Variants in PLK5 observed in about 807,000 individuals in gnomAD.
PLK5 encodes inactive serine/threonine-protein kinase PLK5.
PLK5 carries 28 observed loss-of-function variants against 33.7 expected under a neutral mutation model. That is an observed-to-expected ratio of 0.83 (90% confidence interval 0.62 to 1.14). The LOEUF (loss-of-function observed/expected upper bound fraction) is 1.14. PLK5 is among the 50% of genes most tolerant of loss of function. The pLI, the probability that PLK5 is intolerant of heterozygous loss-of-function variation, is 0.00. For missense variants in PLK5, 492 were observed against 461.5 expected (o/e 1.07, Z -0.61); for synonymous variants, 225 against 202.2 (o/e 1.11, Z -0.96).
intron 11 of PLK5, among the ~76,000 whole-genome samples, chr19:1,530,935 C>CA (rs1426693912): frequency 6.6e-6 from 1 of 151,676 alleles, no homozygotes; most frequent in Non-Finnish European, 1.5e-5. Context: ...CCCATCTCTA[C>CA]AAAAAAATGA....
At chr19:1,526,849 A>G (rs1913755485) in intron 5 of PLK5, 54 bp from the exon 6 acceptor site, 1 of 1,011,530 alleles carries the variant, frequency 9.9e-7, no homozygotes, top group African/African-American at 1.6e-5. Context: ...GCTGGCCCTG[A>G]AGTCTGGCAC....
rs778352123 is a variant in PLK5 at position 1,529,779 on chromosome 19, G to A, written c.523G>A (p.Ala175Thr). The A allele has an allele frequency of 2.0e-4, 310 of 1,535,896 alleles. No individual in the cohort carries two copies. Among genetic ancestry groups the A allele is most frequent in the Non-Finnish European group, 2.4e-4 (279 of 1,146,864 alleles). ...PEGSRRPEVE[A>T]ALRHLQLCLD... ...GGGGAGCCGGCGGCCAGAGGTGGAG[G>A]CGGCCCTCAGACACCTGCAGCTGTG... The change falls in exon 11 of 14, where the codon GCG becomes ACG. Residue 175 changes from alanine to threonine, a missense_variant. By Grantham distance (58) the Ala-to-Thr change is moderately conservative. Coordinates refer to ENST00000454744, the MANE Select transcript of PLK5 (RefSeq NM_001243079.2).
intron 10 of PLK5, 115 bp from the exon 11 acceptor site, chr19:1,529,632 C>T (rs992703232): frequency 2.1e-6 from 3 of 1,408,582 alleles, no homozygotes; most frequent in African/African-American, 1.4e-5. Context: ...GGGAATGCCG[C>T]CTCTGGGTTG....
At chr19:1,529,918 G>C in intron 11 of PLK5, 94 bp downstream of exon 11, 1 of 1,333,350 alleles carries the variant, frequency 7.5e-7, no homozygotes. Flanking sequence ...GGGTATTTCT[G>C]GGGGTGAGGA....
At chr19:1,531,019 A>G (rs903793964) in intron 11 of PLK5, among the ~76,000 whole-genome samples, 2 of 151,434 alleles carry the variant, frequency 1.3e-5, no homozygotes, top group African/African-American at 4.9e-5. Context: ...TTGAGCTCGG[A>G]GGTGGAGGCT....
intron 6 of PLK5, among the ~76,000 whole-genome samples, chr19:1,527,486 C>A (rs899117478): frequency 6.6e-6 from 1 of 151,972 alleles, no homozygotes; most frequent in Non-Finnish European, 1.5e-5. Context: ...CCTGTAGTCC[C>A]AGCTATTCAG....
At position 1,531,878 on chromosome 19, in the gene PLK5, C is replaced by G. The variant is rs778178191; in HGVS notation, c.709C>G (p.Arg237Gly). The G allele has an allele frequency of 4.0e-6, 6 of 1,487,800 alleles. No individual in the cohort carries two copies. The African/African-American group carries it at 5.6e-5, about 14-fold the overall frequency. 92.2% of individuals were successfully genotyped at this position (1,487,800 alleles called of 1,614,324 possible). ...GRHPHGPATP[R>G]REGTLPTPVP... ...GCACCCACATGGCCCTGCGACCCCCCGGAGGGTAAGTTGTGGCCTCCTGTG... is the reference window on the plus strand; with the variant it reads ...GCACCCACATGGCCCTGCGACCCCCGGGAGGGTAAGTTGTGGCCTCCTGTG... Residue 237 changes from arginine to glycine, a missense_variant, in exon 12 of 14, where the codon CGG becomes GGG. Transcript: ENST00000454744.
At chr19:1,527,813 TGG>T in intron 6 of PLK5, 121 bp from the exon 7 acceptor site, 2 of 986,594 alleles carry the variant, frequency 2.0e-6, no homozygotes, top group Non-Finnish European at 3.0e-6. Context: ...AGGCGGATGT[TGG>T]GAGATGAGGA....
At chr19:1,534,153 AG>A (rs146871495) in intron 13 of PLK5, 112 bp downstream of exon 13, 36 of 547,958 alleles carry the variant, frequency 6.6e-5, no homozygotes, top group South Asian at 1.3e-4. Context: ...TTTGCCTCCC[AG>A]GAAAAAAAAA....
At position 1,535,094 on chromosome 19, in the gene PLK5, G is replaced by A. The variant is rs976457776; in HGVS notation, c.855G>A (p.Leu285=). ...QVSFSGVPAQ[L]VLSGEGEGLQ... ...GCTTCAGTGGAGTCCCGGCCCAACT[G>A]GTGCTGAGTGGCGAGGGTGAGGGTT... Residue 285 remains leucine (L), a synonymous_variant, in exon 14 of 14, where the codon CTG becomes CTA. Coordinates refer to ENST00000454744, the MANE Select transcript of PLK5 (RefSeq NM_001243079.2). 6.5e-7 allele frequency: 1 copy of A among 1,533,602 alleles called. No homozygotes were observed. Among genetic ancestry groups the A allele is most frequent in the Non-Finnish European group, 8.7e-7 (1 of 1,145,932 alleles). 95.0% of individuals were successfully genotyped at this position (1,533,602 alleles called of 1,614,324 possible).
chr19:1,533,651 G>A, intron 12 of PLK5: 1 of 558,090 alleles, frequency 1.8e-6, no homozygotes, highest in Non-Finnish European at 3.2e-6. Context: ...TCCAGGGGGT[G>A]TAGGTCAATG....
rs561681693 is a variant in PLK5 at position 1,526,305 on chromosome 19, G to A, written c.-312-181G>A. ...CAGCTGTGCCCGTGGGGAAAGGTTC[G>A]TGCCCCCCCTCAGTGGCCACCTGGG... On this transcript the variant is annotated intron_variant, in intron 3 of 13. Transcript: ENST00000454744. 4.9e-5 allele frequency among the ~76,000 whole-genome samples: 6 copies of A among 122,642 alleles called. No homozygotes were observed. The South Asian group carries it at 1.1e-3, about 23-fold the overall frequency. 80.5% of individuals were successfully genotyped at this position (122,642 alleles called of 152,430 possible).
intron 11 of PLK5, among the ~76,000 whole-genome samples, chr19:1,530,529 C>G (rs1315153583): frequency 5.3e-5 from 8 of 151,364 alleles, no homozygotes; most frequent in African/African-American, 1.7e-4. Context: ...GAACTCCTGA[C>G]CTCCGGTGAT....
intron 3 of PLK5, among the ~76,000 whole-genome samples, chr19:1,526,233 G>A (rs1259966323): frequency 2.0e-5 from 3 of 151,992 alleles, no homozygotes; most frequent in African/African-American, 4.8e-5. Flanking sequence ...GTCCACCAGC[G>A]CCGTGTTCAC....
At chr19:1,531,654 G>A in intron 11 of PLK5, 84 bp from the exon 12 acceptor site, 1 of 1,462,332 alleles carries the variant, frequency 6.8e-7, no homozygotes. Flanking sequence ...TCTCACCCAT[G>A]GTTTCAGTCC....
chr19:1,534,764 C>A lies in PLK5; in HGVS notation c.826-301C>A, dbSNP rs372587494. 9.0e-4 allele frequency among the ~76,000 whole-genome samples: 136 copies of A among 151,832 alleles called. 1 individual carries two copies. Among genetic ancestry groups the A allele is most frequent in the African/African-American group, 3.0e-3 (125 of 41,410 alleles). ...CCCGGGAGGCGGAGCTTGCAGTGAG[C>A]CGAGATCGCGCCACTGCACTCCAGC... is the stretch of plus-strand genomic sequence containing the variant. On this transcript the variant is annotated intron_variant, in intron 13 of 13. Coordinates refer to ENST00000454744, the MANE Select transcript of PLK5 (RefSeq NM_001243079.2).
intron 12 of PLK5, among the ~76,000 whole-genome samples, chr19:1,533,386 C>T (rs34501382): frequency 0.26 from 39,812 of 151,994 alleles, 5,994 homozygotes; most frequent in East Asian, 0.64. Context: ...CCACCGCGCC[C>T]GGCCTTAACA....
Position 1,535,543 on chromosome 19 carries a change from T to C in PLK5, c.*293T>C, listed in dbSNP as rs1599309454. The C allele has an allele frequency of 2.5e-6, 1 of 396,480 alleles. No individual in the cohort carries two copies. 24.6% of individuals were successfully genotyped at this position (396,480 alleles called of 1,614,324 possible). A position where few individuals can be genotyped will look rare whatever the true frequency, so the allele number is the denominator to read the frequency against. ...ACCCCACGTGACGTTGCATCCTCCC[T>C]GTTTCTCTTAGTGGCAGAGGTGGGT... is the stretch of plus-strand genomic sequence containing the variant. On this transcript the variant is annotated 3_prime_UTR_variant, in exon 14 of 14. Coordinates refer to ENST00000454744, the MANE Select transcript of PLK5 (RefSeq NM_001243079.2).
chr19:1,533,091 C>CA (rs1913980783), intron 12 of PLK5, among the ~76,000 whole-genome samples: 1 of 152,086 alleles, frequency 6.6e-6, no homozygotes, highest in Non-Finnish European at 1.5e-5. Context: ...GCCATGATTG[C>CA]ACCACTGCGC....
Sources: allele counts gnomAD v4.1 joint callset (sites outside exome capture counted in the v4.1 genomes callset), GRCh38; gene constraint gnomAD v4.1.1; transcripts MANE v1.5; gene names NCBI Gene and HGNC (gene_info 2026-07-23, HGNC 2026-07-21).